NRAP: variants seen among roughly 807,000 people sequenced by gnomAD.
The protein encoded by NRAP is nebulin related anchoring protein, also known as nebulin-related-anchoring protein.
A neutral mutation model predicts 225.9 loss-of-function variants in NRAP; 189 were observed. That is an observed-to-expected ratio of 0.84 (90% CI 0.74 to 0.94). The LOEUF (loss-of-function observed/expected upper bound fraction) is 0.94. Ranked by LOEUF, NRAP falls within the 40% of genes least tolerant of loss-of-function variation. NRAP has a pLI of 0.00. For synonymous variants in NRAP, 769 were observed against 790.7 expected (o/e 0.97, Z 0.46); for missense variants, 2,176 against 2,168.7 (o/e 1.00, Z -0.07).
At chr10:113,608,956 C>T (rs757436892) in intron 31 of NRAP, among the ~76,000 whole-genome samples, 2 of 152,088 alleles carry the variant, frequency 1.3e-5, no homozygotes, top group African/African-American at 4.8e-5. Flanking sequence ...GTCAGGAGTT[C>T]GAGACCATCC....
intron 35 of NRAP, among the ~76,000 whole-genome samples, chr10:113,604,115 A>G (rs184812978): frequency 7.9e-5 from 12 of 152,208 alleles, no homozygotes; most frequent in Admixed American, 5.9e-4. Flanking sequence ...AAGGTGGTCA[A>G]TAAAGACTGT....
intron 35 of NRAP, among the ~76,000 whole-genome samples, chr10:113,601,835 A>G (rs1326000557): frequency 1.3e-5 from 2 of 148,604 alleles, no homozygotes; most frequent in African/African-American, 2.5e-5. Context: ...CAAGAATCCC[A>G]AAGTCTAAGA....
chr10:113,610,548 C>A lies in NRAP; in HGVS notation c.3514G>T (p.Asp1172Tyr), dbSNP rs771055036. ...GCAACACCTCGCATAAAGTTCAGGT[C>A]TGACCGGTACAAATTCTAGAAGAAA... ...KLQSENLYRS[D>Y]LNFMRGVACV... Residue 1172 changes from aspartate (D) to tyrosine (Y), a missense_variant, in exon 31 of 42, where the codon GAC becomes TAC. Coordinates refer to ENST00000359988, the MANE Select transcript of NRAP (RefSeq NM_198060.4). The A allele has an allele frequency of 2.5e-6, 4 of 1,589,180 alleles. No individual in the cohort carries two copies. Among genetic ancestry groups the A allele is most frequent in the Non-Finnish European group, 3.5e-6 (4 of 1,157,386 alleles).
intron 26 of NRAP, among the ~76,000 whole-genome samples, chr10:113,616,386 G>T (rs935134579): frequency 8.5e-5 from 13 of 152,252 alleles, no homozygotes; most frequent in African/African-American, 2.9e-4. Context: ...TCCAAACAGG[G>T]TTTTTCCATC....
intron 4 of NRAP, among the ~76,000 whole-genome samples, chr10:113,656,254 T>C (rs931605181): frequency 5.3e-5 from 8 of 152,228 alleles, no homozygotes; most frequent in Admixed American, 1.3e-4. Context: ...AGGTCTTTAG[T>C]TAATAACTCT....
intron 30 of NRAP, among the ~76,000 whole-genome samples, chr10:113,611,307 AAC>A (rs1475903484): frequency 6.6e-6 from 1 of 152,164 alleles, no homozygotes; most frequent in Non-Finnish European, 1.5e-5. Context: ...GTAAAATCCA[AAC>A]AGACGACAGA....
At chr10:113,649,640 A>C (rs1343352) in intron 9 of NRAP, among the ~76,000 whole-genome samples, 134,381 of 152,148 alleles carry the variant, frequency 0.88, 59,374 homozygotes, top group East Asian at 0.9. Flanking sequence ...GAAAATGAGC[A>C]CCACTACTCA....
intron 19 of NRAP, among the ~76,000 whole-genome samples, chr10:113,629,339 C>G (rs1848454551): frequency 1.3e-5 from 2 of 152,122 alleles, no homozygotes; most frequent in African/African-American, 4.8e-5. Context: ...TAAACATTTT[C>G]TTCTCCTTGG....
At chr10:113,658,760 T>TAGTG (rs777395663) in intron 3 of NRAP, among the ~76,000 whole-genome samples, 99 of 151,684 alleles carry the variant, frequency 6.5e-4, no homozygotes, top group South Asian at 1.5e-3. Flanking sequence ...TGCACGCCTG[T>TAGTG]AGTCCCAACT....
intron 37 of NRAP, among the ~76,000 whole-genome samples, chr10:113,596,565 GGAA>G: frequency 6.6e-6 from 1 of 152,310 alleles, no homozygotes; most frequent in South Asian, 2.1e-4. Context: ...AGTAAAATCA[GGAA>G]GAAGCTTTAA....
chr10:113,600,632 AC>A (rs1329037781), intron 35 of NRAP, among the ~76,000 whole-genome samples: 1 of 152,188 alleles, frequency 6.6e-6, no homozygotes, highest in African/African-American at 2.4e-5. Flanking sequence ...GAATCCAGCC[AC>A]CTGGGGAAGC....
intron 39 of NRAP, 84 bp downstream of exon 39, chr10:113,592,110 T>C: frequency 2.8e-6 from 2 of 714,924 alleles, no homozygotes; most frequent in Non-Finnish European, 4.8e-6. Context: ...TCTTGACAGG[T>C]CCTGGTGGTT....
intron 32 of NRAP, among the ~76,000 whole-genome samples, chr10:113,606,989 G>A (rs1025874448): frequency 1.3e-5 from 2 of 152,016 alleles, no homozygotes; most frequent in African/African-American, 4.8e-5. Context: ...GATCATCTAA[G>A]GTCAGGAGTT....
At chr10:113,637,599 C>T (rs965988900) in intron 14 of NRAP, among the ~76,000 whole-genome samples, 2 of 152,094 alleles carry the variant, frequency 1.3e-5, no homozygotes, top group African/African-American at 2.4e-5. Flanking sequence ...GACAATGGGC[C>T]GTGGAGTGTT....
rs752383474 is a variant in NRAP, at chr10:113,650,152, G to A, written c.784-11C>T. The A allele has an allele frequency of 5.1e-6, 8 of 1,554,658 alleles. No homozygotes were observed. In the Admixed American group the frequency reaches 1.3e-4, roughly 26 times the overall value. On this transcript the variant is annotated splice_polypyrimidine_tract_variant and intron_variant, in intron 8 of 41. Transcript: ENST00000359988. ...TTGATGGTACCTCACCTGTTTTAAG[G>A]CAAAGGACAAACTCGGTGAATTTGA... is the stretch of plus-strand genomic sequence containing the variant.
chr10:113,629,161 T>C, intron 19 of NRAP, 140 bp from the exon 20 acceptor site: 1 of 700,460 alleles, frequency 1.4e-6, no homozygotes, highest in South Asian at 1.6e-5. Context: ...GTCAGGCAGA[T>C]CTCCACTTGG....
At chr10:113,600,154 ATTCTCT>A (rs1480753711) in intron 35 of NRAP, among the ~76,000 whole-genome samples, 3 of 75,492 alleles carry the variant, frequency 4.0e-5, no homozygotes, top group Non-Finnish European at 8.2e-5. Context: ...AAGGGGTTAT[ATTCTCT>A]CTCTCTCTCT....
At chr10:113,613,239 A>G (rs1847438200) in intron 29 of NRAP, among the ~76,000 whole-genome samples, 1 of 151,986 alleles carries the variant, frequency 6.6e-6, no homozygotes, top group South Asian at 2.1e-4. Flanking sequence ...TAGGTCAGCA[A>G]CTCAAGATGG....
intron 14 of NRAP, among the ~76,000 whole-genome samples, chr10:113,639,878 A>G (rs1388681167): frequency 6.6e-6 from 1 of 152,206 alleles, no homozygotes; most frequent in African/African-American, 2.4e-5. Flanking sequence ...ACTACATAAC[A>G]AACCTTTTTT....
Sources: gnomAD v4.1 joint callset for allele counts (sites outside exome capture counted in the v4.1 genomes callset) on GRCh38, gnomAD v4.1.1 for gene constraint, MANE v1.5 for transcripts, NCBI Gene and HGNC (gene_info 2026-07-23, HGNC 2026-07-21) for gene names.